PDZD8: variants seen among roughly 807,000 people sequenced by gnomAD.
The protein encoded by PDZD8 is PDZ domain containing 8.
PDZD8 carries 14 observed loss-of-function variants against 85.8 expected under a neutral mutation model. The observed-to-expected ratio is 0.16, with a 90% CI of 0.11 to 0.26. PDZD8 has a LOEUF of 0.26. Ranked by LOEUF, PDZD8 falls within the 10% of genes least tolerant of loss-of-function variation. PDZD8 has a pLI of 1.00. For missense variants in PDZD8, 1,197 were observed against 1,424.3 expected, an observed-to-expected ratio of 0.84 and a Z score of 2.57; for synonymous variants, 592 against 568.6, an observed-to-expected ratio of 1.04 and a Z score of -0.59.
intron 3 of PDZD8, among the ~76,000 whole-genome samples, chr10:117,298,352 T>G (rs1843790007): frequency 6.6e-6 from 1 of 152,184 alleles, no homozygotes; most frequent in Non-Finnish European, 1.5e-5. Context: ...CAACTGCTTT[T>G]AAACTCTTTG....
intron 2 of PDZD8, among the ~76,000 whole-genome samples, chr10:117,329,001 T>C (rs973659054): frequency 6.6e-6 from 1 of 152,184 alleles, no homozygotes; most frequent in African/African-American, 2.4e-5. Flanking sequence ...TAGACGACAT[T>C]TGCTTTAGCT....
chr10:117,375,062 G>T lies in PDZD8; in HGVS notation c.166C>A (p.Leu56Ile). 6.2e-7 allele frequency: 1 copy of T among 1,601,304 alleles called. No homozygotes were observed. The highest frequency in any genetic ancestry group is 8.5e-7 in the Non-Finnish European group (1 of 1,176,650). Residue 56 changes from leucine to isoleucine, a missense_variant, in exon 1 of 5, where the codon CTA (leucine) becomes ATA (isoleucine). Around this residue, in one of 4 missense-constraint regions of PDZD8, gnomAD observed 172 missense variants for 137.8 expected, o/e 1.25. Coordinates refer to ENST00000334464, the MANE Select transcript of PDZD8 (RefSeq NM_173791.5). Reference sequence around the variant, plus strand: ...CCGCCGCCATAAAGGTACTCCCTTAGGAGCAGGCCCGGCACTGGCTTGATG... The same window carrying T: ...CCGCCGCCATAAAGGTACTCCCTTATGAGCAGGCCCGGCACTGGCTTGATG... ...RYIKPVPGLL[L>I]REYLYGGGRD...
intron 1 of PDZD8, among the ~76,000 whole-genome samples, chr10:117,348,474 T>C (rs1844746295): frequency 6.6e-6 from 1 of 152,178 alleles, no homozygotes; most frequent in Non-Finnish European, 1.5e-5. Flanking sequence ...TAATCCGCGA[T>C]GGCTTCCATA....
At position 117,374,342 on chromosome 10, in the gene PDZD8, G is replaced by C; in HGVS notation, c.872+14C>G. 6.2e-7 allele frequency: 1 copy of C among 1,608,562 alleles called. No individual in the cohort carries two copies. The highest frequency in any genetic ancestry group is 2.2e-5 in the East Asian group (1 of 44,714). On this transcript the variant is annotated intron_variant, in intron 1 of 4. Coordinates refer to ENST00000334464, the MANE Select transcript of PDZD8 (RefSeq NM_173791.5). This position sits in a 1 kb window ranked among gnomAD's most constrained non-coding sequence, Gnocchi z 7.8. The stretch of plus-strand genomic sequence containing the variant: ...TTCCCGGCAGCCAGGCCCCCTCCCC[G>C]ACCTCCAGCTCACCTGATCTTGTAA...
At chr10:117,324,232 A>AAAAAGAC (rs1278760915) in intron 2 of PDZD8, among the ~76,000 whole-genome samples, 7 of 146,096 alleles carry the variant, frequency 4.8e-5, no homozygotes, top group African/African-American at 1.3e-4. Flanking sequence ...AAAAAAAAAA[A>AAAAAGAC]AAGACAAGAG....
At position 117,291,683 on chromosome 10, in the gene PDZD8, T is replaced by TA. The variant is rs1036096695; in HGVS notation, c.1099-1336dup. 5.6e-3 allele frequency among the ~76,000 whole-genome samples: 812 copies of TA among 146,264 alleles called. 5 individuals carry two copies. The highest frequency in any genetic ancestry group is 0.019 in the African/African-American group (762 of 40,056). On this transcript the variant is annotated intron_variant, in intron 3 of 4. Transcript: ENST00000334464. ...AACATGGTGAGACCCCATCTTTATT[T>TA]AAAAAAAAAAAGTTACATTGTTAAT...
At chr10:117,370,721 G>T (rs1410218930) in intron 1 of PDZD8, among the ~76,000 whole-genome samples, 1 of 151,984 alleles carries the variant, frequency 6.6e-6, no homozygotes, top group African/African-American at 2.4e-5. Flanking sequence ...GAAATGCCAC[G>T]TGGGACAGTA....
Position 117,277,299 on chromosome 10 carries a change from A to G in PDZD8, c.*5969T>C. On this transcript the variant is annotated 3_prime_UTR_variant, in exon 5 of 5. Transcript: ENST00000334464. The stretch of plus-strand genomic sequence containing the variant: ...TCCTCAAAAATCATCAAAGTGTTTA[A>G]TTGTATAAAACAGTGTTTCCAGTGA... 7.4e-7 allele frequency: 1 copy of G among 1,359,726 alleles called. No individual in the cohort carries two copies. Among genetic ancestry groups the G allele is most frequent in the Non-Finnish European group, 1.0e-6 (1 of 954,860 alleles). The allele number at this position is 1,359,726 out of a possible 1,614,324, so 84.2% of individuals were successfully genotyped here.
At chr10:117,325,670 T>C (rs533859331) in intron 2 of PDZD8, among the ~76,000 whole-genome samples, 1 of 152,234 alleles carries the variant, frequency 6.6e-6, no homozygotes, top group South Asian at 2.1e-4. Flanking sequence ...CCCAAAGTGC[T>C]GAGATTACAG....
intron 2 of PDZD8, among the ~76,000 whole-genome samples, chr10:117,320,602 ATAAAAG>A (rs775982117): frequency 7.2e-5 from 11 of 152,112 alleles, no homozygotes; most frequent in Non-Finnish European, 1.5e-4. Flanking sequence ...AGAAGAAAAC[ATAAAAG>A]TAAATCTTTT....
intron 1 of PDZD8, among the ~76,000 whole-genome samples, chr10:117,370,524 A>C (rs760908658): frequency 5.9e-5 from 9 of 152,222 alleles, no homozygotes; most frequent in Non-Finnish European, 1.3e-4. Flanking sequence ...CTTTAGCTCT[A>C]CTAAGAAGAT....
intron 3 of PDZD8, among the ~76,000 whole-genome samples, chr10:117,297,077 A>T (rs568667680): frequency 3.9e-5 from 6 of 152,232 alleles, no homozygotes; most frequent in African/African-American, 1.4e-4. Context: ...AACTCTTACA[A>T]CTAAATAAGA....
intron 2 of PDZD8, among the ~76,000 whole-genome samples, chr10:117,340,388 T>C (rs1277846833): frequency 6.6e-6 from 1 of 152,216 alleles, no homozygotes; most frequent in Non-Finnish European, 1.5e-5. Context: ...TTTACCATCC[T>C]CCATGATGTC....
At chr10:117,336,654 A>G (rs571018140) in intron 2 of PDZD8, among the ~76,000 whole-genome samples, 23 of 152,266 alleles carry the variant, frequency 1.5e-4, no homozygotes, top group African/African-American at 5.3e-4. Context: ...AGACAAAAAA[A>G]AAGATGGGGT....
At chr10:117,349,996 C>T (rs1844775761) in intron 1 of PDZD8, among the ~76,000 whole-genome samples, 1 of 152,114 alleles carries the variant, frequency 6.6e-6, no homozygotes, top group South Asian at 2.1e-4. Flanking sequence ...CTATATGACA[C>T]TGTTTAGTAA....
At chr10:117,298,940 T>C (rs1010444151) in intron 3 of PDZD8, among the ~76,000 whole-genome samples, 1 of 152,070 alleles carries the variant, frequency 6.6e-6, no homozygotes, top group Non-Finnish European at 1.5e-5. Flanking sequence ...AATCGGTATA[T>C]GCTCAGATAC....
intron 4 of PDZD8, chr10:117,285,729 A>G (rs1458564666): frequency 4.3e-6 from 5 of 1,155,988 alleles, no homozygotes; most frequent in South Asian, 6.6e-5. Context: ...GATCCCAAAA[A>G]GAGTGCCAGG....
At chr10:117,362,343 C>T (rs1374432412) in intron 1 of PDZD8, among the ~76,000 whole-genome samples, 2 of 152,096 alleles carry the variant, frequency 1.3e-5, no homozygotes, top group Non-Finnish European at 2.9e-5. Flanking sequence ...ATTCTTTTCT[C>T]TAAGAACTTT....
In PDZD8 at chr10:117,278,585, T is replaced by A. The variant is rs363235; in HGVS notation, c.*4683A>T. ...TGTGGAATGTCTCTAATACTACTTG[T>A]GAATCCTGCAGTTCTATAATCATAA... On this transcript the variant is annotated 3_prime_UTR_variant, in exon 5 of 5. Coordinates refer to ENST00000334464, the MANE Select transcript of PDZD8 (RefSeq NM_173791.5). 0.77 allele frequency: 116,912 copies of A among 152,108 alleles called. 45,598 individuals carry two copies. The highest frequency in any genetic ancestry group is 0.85 in the Non-Finnish European group (57,778 of 68,026). The allele number at this position is 152,108 out of a possible 1,614,324, so 9.4% of individuals were successfully genotyped here.
Sources: allele counts gnomAD v4.1 joint callset (sites outside exome capture counted in the v4.1 genomes callset), GRCh38; gene constraint gnomAD v4.1.1; regional missense constraint gnomAD v4.1.1; non-coding constraint Gnocchi (gnomAD v3.1); transcripts MANE v1.5; gene names NCBI Gene and HGNC (gene_info 2026-07-23, HGNC 2026-07-21).